PCDH9: variants seen among roughly 807,000 people sequenced by gnomAD.
The protein encoded by PCDH9 is protocadherin 9.
In PCDH9, 24 loss-of-function variants were observed where a neutral mutation model predicts 70.6. That is an observed-to-expected ratio of 0.34 (90% CI 0.25 to 0.48). The LOEUF (loss-of-function observed/expected upper bound fraction) is 0.48, where lower values mean the gene tolerates loss of function less well. Ranked by LOEUF, PCDH9 falls within the 20% of genes least tolerant of loss-of-function variation. PCDH9 has a pLI of 0.99. For missense variants in PCDH9, 1,281 were observed against 1,503.6 expected, an observed-to-expected ratio of 0.85 and a Z score of 2.45; for synonymous variants, 562 against 558.5, an observed-to-expected ratio of 1.01 and a Z score of -0.09.
At chr13:66,554,762 A>G (rs1593667196) in intron 4 of PCDH9, among the ~76,000 whole-genome samples, 1 of 152,214 alleles carries the variant, frequency 6.6e-6, no homozygotes, top group Admixed American at 6.5e-5. Flanking sequence ...GAAAAAATAA[A>G]TAACATATTA....
At chr13:67,128,842 C>G (rs1379650492) in intron 2 of PCDH9, among the ~76,000 whole-genome samples, 1 of 152,068 alleles carries the variant, frequency 6.6e-6, no homozygotes, top group Non-Finnish European at 1.5e-5. Flanking sequence ...CAATCCTATT[C>G]AAAGAATTTT....
chr13:66,791,575 AAAT>A (rs2080164452), intron 3 of PCDH9, among the ~76,000 whole-genome samples: 1 of 152,156 alleles, frequency 6.6e-6, no homozygotes, highest in African/African-American at 2.4e-5. Flanking sequence ...TATAATTTGT[AAAT>A]AATTATGTTT....
intron 4 of PCDH9, among the ~76,000 whole-genome samples, chr13:66,524,557 A>AG (rs1593619972): frequency 6.6e-6 from 1 of 152,052 alleles, no homozygotes; most frequent in African/African-American, 2.4e-5. Flanking sequence ...TTTCAGCTAA[A>AG]GGGGGGTGTT....
At chr13:67,198,438 C>T (rs1472496885) in intron 2 of PCDH9, among the ~76,000 whole-genome samples, 1 of 151,882 alleles carries the variant, frequency 6.6e-6, no homozygotes, top group African/African-American at 2.4e-5. Context: ...TTTGAATTCA[C>T]AGCAATTTAT....
At chr13:66,626,602 C>T (rs1408235753) in intron 4 of PCDH9, among the ~76,000 whole-genome samples, 2 of 151,898 alleles carry the variant, frequency 1.3e-5, no homozygotes, top group African/African-American at 2.4e-5. Context: ...AAAAAAGAAC[C>T]GAAGTTTCTG....
At chr13:66,515,572 G>T (rs1025372104) in intron 4 of PCDH9, among the ~76,000 whole-genome samples, 2 of 151,688 alleles carry the variant, frequency 1.3e-5, no homozygotes, top group Admixed American at 1.3e-4. Flanking sequence ...CTTTTATTTG[G>T]CATAAAAATT....
chr13:66,934,814 G>A (rs537127653), intron 2 of PCDH9, among the ~76,000 whole-genome samples: 2,629 of 131,266 alleles, frequency 0.02, 72 homozygotes, highest in African/African-American at 0.072. Context: ...TCCGCCTCCC[G>A]GGTTCACGCC....
intron 4 of PCDH9, among the ~76,000 whole-genome samples, chr13:66,613,432 G>A (rs2077317884): frequency 6.6e-6 from 1 of 151,234 alleles, no homozygotes; most frequent in Non-Finnish European, 1.5e-5. Context: ...ATTAGGCTAG[G>A]CCCCTCAACT....
At chr13:66,657,403 G>A (rs1383726598) in intron 3 of PCDH9, among the ~76,000 whole-genome samples, 1 of 152,132 alleles carries the variant, frequency 6.6e-6, no homozygotes, top group African/African-American at 2.4e-5. Flanking sequence ...TCTCTTCATT[G>A]CTATGATCTC....
intron 4 of PCDH9, among the ~76,000 whole-genome samples, chr13:66,535,908 A>T (rs1193922981): frequency 6.6e-6 from 1 of 152,056 alleles, no homozygotes; most frequent in Non-Finnish European, 1.5e-5. Flanking sequence ...CAAGAATATG[A>T]TGCTAGTTAC....
At chr13:66,380,395 A>G (rs1228077172) in intron 4 of PCDH9, among the ~76,000 whole-genome samples, 1 of 152,154 alleles carries the variant, frequency 6.6e-6, no homozygotes, top group Non-Finnish European at 1.5e-5. Flanking sequence ...GTTCACACTG[A>G]AAGAACTGAA....
At chr13:66,581,830 T>A (rs1593722227) in intron 4 of PCDH9, among the ~76,000 whole-genome samples, 1 of 152,256 alleles carries the variant, frequency 6.6e-6, no homozygotes, top group East Asian at 1.9e-4. Flanking sequence ...CTCAGAGATC[T>A]ACATAATAAT....
At chr13:67,143,479 AG>A (rs977974767) in intron 2 of PCDH9, among the ~76,000 whole-genome samples, 3 of 152,200 alleles carry the variant, frequency 2.0e-5, no homozygotes, top group African/African-American at 7.2e-5. Context: ...ATCAAGTACC[AG>A]GTCATTCATT....
intron 2 of PCDH9, among the ~76,000 whole-genome samples, chr13:66,984,151 T>A (rs2083839260): frequency 6.6e-6 from 1 of 152,162 alleles, no homozygotes; most frequent in Non-Finnish European, 1.5e-5. Context: ...ATTGTAACTT[T>A]ATCAAATATT....
chr13:66,798,644 G>T (rs1045482856), intron 3 of PCDH9, among the ~76,000 whole-genome samples: 5 of 152,096 alleles, frequency 3.3e-5, no homozygotes, highest in African/African-American at 9.7e-5. Context: ...CGTTCAATTT[G>T]CTTCATCTTC....
intron 2 of PCDH9, among the ~76,000 whole-genome samples, chr13:67,101,162 A>G (rs1189266793): frequency 6.6e-6 from 1 of 152,194 alleles, no homozygotes; most frequent in African/African-American, 2.4e-5. Flanking sequence ...GTAAAACAAT[A>G]TAGTAAACAT....
At chr13:66,329,210 T>G (rs1955899084) in intron 4 of PCDH9, among the ~76,000 whole-genome samples, 1 of 152,168 alleles carries the variant, frequency 6.6e-6, no homozygotes, top group Non-Finnish European at 1.5e-5. Flanking sequence ...TTCAGTGCTT[T>G]TATAACTATA....
At chr13:67,024,778 G>A (rs2084746469) in intron 2 of PCDH9, among the ~76,000 whole-genome samples, 1 of 151,948 alleles carries the variant, frequency 6.6e-6, no homozygotes, top group Admixed American at 6.6e-5. Flanking sequence ...CTTAAAATGT[G>A]TCATGTCTGT....
chr13:66,483,249 A>G (rs553502077), intron 4 of PCDH9, among the ~76,000 whole-genome samples: 1 of 152,344 alleles, frequency 6.6e-6, no homozygotes, highest in African/African-American at 2.4e-5. Flanking sequence ...CTCTTTCTGC[A>G]TTATATGCAT....
Sources: allele counts gnomAD v4.1 joint callset (sites outside exome capture counted in the v4.1 genomes callset), GRCh38; gene constraint gnomAD v4.1.1; transcripts MANE v1.5; gene names NCBI Gene and HGNC (gene_info 2026-07-23, HGNC 2026-07-21).